The following ATP2B4 variants were observed in gnomAD, a reference collection of about 807,000 sequenced individuals.
ATP2B4 encodes the protein plasma membrane calcium-transporting ATPase 4.
ATP2B4 carries 39 observed loss-of-function variants against 110.3 expected under a neutral mutation model. That is an observed-to-expected ratio of 0.35 (90% CI 0.27 to 0.46). The LOEUF (loss-of-function observed/expected upper bound fraction) is 0.46, where lower values mean the gene tolerates loss of function less well. Ranked by LOEUF, ATP2B4 falls within the 20% of genes least tolerant of loss-of-function variation. The pLI is 1.00. For missense variants in ATP2B4, 1,135 were observed against 1,530.9 expected, an observed-to-expected ratio of 0.74 and a Z score of 4.32; for synonymous variants, 538 against 571.7, an observed-to-expected ratio of 0.94 and a Z score of 0.84.
intron 1 of ATP2B4, among the ~76,000 whole-genome samples, chr1:203,654,887 GAA>G (rs1161772363): frequency 1.9e-4 from 14 of 74,666 alleles, no homozygotes; most frequent in Admixed American, 3.4e-4. Context: ...ACCTCGTCTG[GAA>G]AAAAAAAAAA....
Position 203,711,076 on chromosome 1 carries a change from G to C in ATP2B4, c.1999G>C (p.Val667Leu). 1.2e-6 allele frequency: 2 copies of C among 1,614,200 alleles called. No individual in the cohort carries two copies. Among genetic ancestry groups the C allele is most frequent in the South Asian group, 1.1e-5 (1 of 91,086 alleles). ...EILTELTCIA[V>L]VGIEDPVRPE... ...CCTCACCGAACTGACCTGTATCGCGGTGGTGGGCATTGAGGACCCTGTGCG... is the reference window on the plus strand; with the variant it reads ...CCTCACCGAACTGACCTGTATCGCGCTGGTGGGCATTGAGGACCCTGTGCG... Residue 667 changes from valine to leucine, a missense_variant, in exon 12 of 21, where the codon GTG becomes CTG. By Grantham distance (32) the Val-to-Leu change is conservative. This residue lies in a region of ATP2B4 where 368 missense variants were observed against 455.9 expected (regional missense o/e 0.81). Coordinates refer to ENST00000357681, the MANE Select transcript of ATP2B4 (RefSeq NM_001684.5).
chr1:203,722,374 T>G (rs1329265072), intron 17 of ATP2B4, 104 bp from the exon 18 acceptor site: 1 of 885,216 alleles, frequency 1.1e-6, no homozygotes, highest in African/African-American at 1.7e-5. Flanking sequence ...ATTGATTAAT[T>G]AGAATGGACA....
At chr1:203,695,187 A>C (rs139171610) in intron 2 of ATP2B4, among the ~76,000 whole-genome samples, 1 of 152,156 alleles carries the variant, frequency 6.6e-6, no homozygotes, top group African/African-American at 2.4e-5. Flanking sequence ...TTTTTTGAGA[A>C]GCGTCCCAGG....
At chr1:203,641,286 A>G (rs1242168951) in intron 1 of ATP2B4, among the ~76,000 whole-genome samples, 6 of 152,218 alleles carry the variant, frequency 3.9e-5, no homozygotes, top group Non-Finnish European at 7.3e-5. Flanking sequence ...CCAAACGCCA[A>G]CAGATGCTGA....
chr1:203,703,164 CGAGAGAGAGAGAGAGAGAGA>C (rs144760902), intron 7 of ATP2B4, among the ~76,000 whole-genome samples: 1 of 145,148 alleles, frequency 6.9e-6, no homozygotes, highest in Non-Finnish European at 1.5e-5. Flanking sequence ...CCCTGACAAT[CGAGAGAGAGAGAGAGAGAGA>C]GAGAGAGAGA....
intron 1 of ATP2B4, among the ~76,000 whole-genome samples, chr1:203,647,957 C>T (rs1376270449): frequency 6.6e-6 from 1 of 152,144 alleles, no homozygotes; most frequent in Non-Finnish European, 1.5e-5. Context: ...GTGTCTGGAT[C>T]TCACATGAAG....
intron 1 of ATP2B4, among the ~76,000 whole-genome samples, chr1:203,649,853 C>T (rs1396176078): frequency 1.3e-5 from 2 of 152,120 alleles, no homozygotes; most frequent in Non-Finnish European, 2.9e-5. Context: ...CACGGAAACT[C>T]CACAGCCCCC....
At chr1:203,669,270 C>T (rs566733818) in intron 1 of ATP2B4, among the ~76,000 whole-genome samples, 1 of 152,164 alleles carries the variant, frequency 6.6e-6, no homozygotes, top group Non-Finnish European at 1.5e-5. Context: ...TGACTGTGTC[C>T]TGCAGATCAA....
chr1:203,739,770 T>C lies in ATP2B4; in HGVS notation c.3534T>C (p.Asn1178=). 1 of 1,614,180 alleles carries C rather than the reference T, an allele frequency of 6.2e-7. No homozygotes were observed. The highest frequency in any genetic ancestry group is 8.5e-7 in the Non-Finnish European group (1 of 1,180,028). Residue 1178 remains asparagine (N), a synonymous_variant, in exon 21 of 21, where the codon AAT becomes AAC. Transcript: ENST00000357681. ...LLDGEVTPYA[N]TNNNAVDCNQ... ...ATGGTGAGGTCACTCCATATGCCAA[T>C]ACAAACAACAATGCGGTGGATTGCA...
At chr1:203,739,243 A>G (rs1666944537) in intron 20 of ATP2B4, among the ~76,000 whole-genome samples, 1 of 152,066 alleles carries the variant, frequency 6.6e-6, no homozygotes, top group South Asian at 2.1e-4. Context: ...TTTCTGTTTC[A>G]TTTTAAAAGT....
intron 1 of ATP2B4, among the ~76,000 whole-genome samples, chr1:203,663,509 T>A (rs1174621697): frequency 6.6e-6 from 1 of 152,166 alleles, no homozygotes; most frequent in African/African-American, 2.4e-5. Context: ...GGAGAACCTA[T>A]ATTAATCCTC....
At chr1:203,734,438 G>A (rs1165683551) in intron 20 of ATP2B4, among the ~76,000 whole-genome samples, 1 of 152,156 alleles carries the variant, frequency 6.6e-6, no homozygotes, top group Non-Finnish European at 1.5e-5. Flanking sequence ...GCTGGGTGCT[G>A]TGGCTCACAC....
intron 2 of ATP2B4, among the ~76,000 whole-genome samples, chr1:203,696,778 T>A (rs929753382): frequency 2.6e-5 from 4 of 152,202 alleles, no homozygotes; most frequent in Non-Finnish European, 5.9e-5. Flanking sequence ...TCTGTGTGTG[T>A]GTGTGTCATA....
In ATP2B4 at chr1:203,629,545, C is replaced by A. The variant is rs1663197174; in HGVS notation, c.-465+2326C>A. ...TCGCGGCCAAAGGGGTAATCGGCTC[C>A]CGCAGTCTCAGCCCTTCCCCCGGGG... On this transcript the variant is annotated intron_variant, in intron 1 of 20. Coordinates refer to ENST00000357681, the MANE Select transcript of ATP2B4 (RefSeq NM_001684.5). The surrounding 1 kb of genome is among the most constrained non-coding windows in gnomAD (Gnocchi z 4.6). 6.6e-6 allele frequency among the ~76,000 whole-genome samples: 1 copy of A among 152,162 alleles called. No homozygotes were observed. Among genetic ancestry groups the A allele is most frequent in the African/African-American group, 2.4e-5 (1 of 41,436 alleles).
intron 16 of ATP2B4, 60 bp downstream of exon 16, chr1:203,720,800 A>G: frequency 6.5e-7 from 1 of 1,538,928 alleles, no homozygotes; most frequent in Non-Finnish European, 8.8e-7. Context: ...AGGAACATGG[A>G]GTGAAGACTA....
chr1:203,634,723 G>A (rs1388181749), intron 1 of ATP2B4, among the ~76,000 whole-genome samples: 1 of 152,048 alleles, frequency 6.6e-6, no homozygotes, highest in African/African-American at 2.4e-5. Flanking sequence ...GAGTGCAGTG[G>A]CACAATCACA....
intron 1 of ATP2B4, among the ~76,000 whole-genome samples, chr1:203,632,237 T>G: frequency 6.6e-6 from 1 of 151,534 alleles, no homozygotes; most frequent in Non-Finnish European, 1.5e-5. Context: ...CTAGGAGCCC[T>G]GTGAACTTAT....
At position 203,681,460 on chromosome 1, in the gene ATP2B4, G is replaced by C. The variant is rs549593244; in HGVS notation, c.-464-1282G>C. Among the ~76,000 whole-genome samples, 3 of 152,304 alleles carry C rather than the reference G, an allele frequency of 2.0e-5. 1 individual carries two copies. In the East Asian group the frequency reaches 5.8e-4, roughly 29 times the overall value. Reference sequence around the variant, plus strand: ...GGCCAGAGCTCCTTGCCACCCCCTGGTAACTGAAGTCGTCAGTGGGGACTA... The same window carrying C: ...GGCCAGAGCTCCTTGCCACCCCCTGCTAACTGAAGTCGTCAGTGGGGACTA... On this transcript the variant is annotated intron_variant, in intron 1 of 20. Transcript: ENST00000357681.
chr1:203,722,419 C>T, intron 17 of ATP2B4, 59 bp from the exon 18 acceptor site: 1 of 1,343,394 alleles, frequency 7.4e-7, no homozygotes, highest in Non-Finnish European at 1.1e-6. Flanking sequence ...TGTACCAACA[C>T]ATTCTTACTC....
Sources: gnomAD v4.1 joint callset for allele counts (sites outside exome capture counted in the v4.1 genomes callset) on GRCh38, gnomAD v4.1.1 for gene constraint, gnomAD v4.1.1 regional missense constraint, Gnocchi (gnomAD v3.1) non-coding constraint, MANE v1.5 for transcripts, NCBI Gene and HGNC (gene_info 2026-07-23, HGNC 2026-07-21) for gene names.